The following COL23A1 variants were observed in gnomAD, a reference collection of about 807,000 sequenced individuals.
COL23A1 encodes collagen alpha-1(XXIII) chain.
A neutral mutation model predicts 99.3 loss-of-function variants in COL23A1; 97 were observed. That is an observed-to-expected ratio of 0.98 (90% CI 0.83 to 1.16). The LOEUF is 1.16. Ranked by LOEUF, COL23A1 falls within the 50% of genes most tolerant of loss-of-function variation. COL23A1 has a pLI of 0.00. For synonymous variants in COL23A1, 320 were observed against 308.2 expected (o/e 1.04, Z -0.40); for missense variants, 762 against 757.4 (o/e 1.01, Z -0.07).
intron 2 of COL23A1, among the ~76,000 whole-genome samples, chr5:178,532,130 A>G (rs1760683272): frequency 6.6e-6 from 1 of 152,198 alleles, no homozygotes; most frequent in South Asian, 2.1e-4. Context: ...TGTTCCAGCC[A>G]AGATCTGAGT....
chr5:178,343,952 T>C (rs573876446), intron 2 of COL23A1, among the ~76,000 whole-genome samples: 10 of 152,250 alleles, frequency 6.6e-5, no homozygotes, highest in South Asian at 2.1e-4. Context: ...TGAGCCACCG[T>C]ACCCGGCCTA....
intron 2 of COL23A1, among the ~76,000 whole-genome samples, chr5:178,374,463 G>T (rs1762963525): frequency 1.3e-5 from 2 of 152,204 alleles, no homozygotes; most frequent in Non-Finnish European, 2.9e-5. Flanking sequence ...CCTCCGTAAG[G>T]TTTTTGAGTG....
At chr5:178,353,273 A>C (rs956984864) in intron 2 of COL23A1, among the ~76,000 whole-genome samples, 3 of 152,200 alleles carry the variant, frequency 2.0e-5, no homozygotes, top group African/African-American at 4.8e-5. Context: ...AAAAGCTATA[A>C]ATTTCTTTTA....
chr5:178,265,576 G>T, intron 8 of COL23A1: 2 of 683,918 alleles, frequency 2.9e-6, no homozygotes, highest in Non-Finnish European at 3.6e-6. Flanking sequence ...GATGGCTGAG[G>T]TCTAACCCTG....
chr5:178,246,513 C>A (rs1764705260), intron 22 of COL23A1, 60 bp from the exon 23 acceptor site: 7 of 1,517,068 alleles, frequency 4.6e-6, no homozygotes, highest in Non-Finnish European at 5.4e-6. Flanking sequence ...GTAGGACAGG[C>A]AAGCTTGGAG....
At chr5:178,412,540 A>G (rs1765105565) in intron 2 of COL23A1, among the ~76,000 whole-genome samples, 2 of 152,290 alleles carry the variant, frequency 1.3e-5, no homozygotes, top group African/African-American at 4.8e-5. Flanking sequence ...ATCTTTCTTT[A>G]CTTCTCTACC....
At chr5:178,354,948 C>T (rs889433789) in intron 2 of COL23A1, among the ~76,000 whole-genome samples, 3 of 151,838 alleles carry the variant, frequency 2.0e-5, no homozygotes, top group African/African-American at 7.3e-5. Flanking sequence ...GTCCCAGCTA[C>T]TCGGGAGGCT....
chr5:178,378,404 A>T (rs1380577076), intron 2 of COL23A1, among the ~76,000 whole-genome samples: 1 of 152,082 alleles, frequency 6.6e-6, no homozygotes, highest in Non-Finnish European at 1.5e-5. Context: ...CGATACCGGT[A>T]TGGGACCTGT....
chr5:178,332,726 C>T (rs1347055819), intron 2 of COL23A1, among the ~76,000 whole-genome samples: 1 of 151,942 alleles, frequency 6.6e-6, no homozygotes, highest in Non-Finnish European at 1.5e-5. Flanking sequence ...AGAAAAAAAG[C>T]ATGCAAGCCC....
At chr5:178,240,694 A>G (rs1225043123) in intron 27 of COL23A1, among the ~76,000 whole-genome samples, 3 of 152,116 alleles carry the variant, frequency 2.0e-5, no homozygotes, top group Non-Finnish European at 4.4e-5. Context: ...ACTTCTCAAA[A>G]CTGTCCGAGG....
At chr5:178,538,631 A>G (rs546432793) in intron 2 of COL23A1, among the ~76,000 whole-genome samples, 2 of 152,258 alleles carry the variant, frequency 1.3e-5, no homozygotes. Flanking sequence ...ATGCCCATCA[A>G]TAAGGTAGCT....
At chr5:178,350,297 G>A (rs1761248537) in intron 2 of COL23A1, among the ~76,000 whole-genome samples, 1 of 152,150 alleles carries the variant, frequency 6.6e-6, no homozygotes, top group African/African-American at 2.4e-5. Context: ...AGTCCTTTGC[G>A]CTTGGATATC....
In COL23A1 at chr5:178,264,834, C is replaced by T. The variant is rs142882001; in HGVS notation, c.523-1510G>A. ...CTATTATTTGTATTTTTAGTACAGA[C>T]GGGGTTTCACCATGTTGGCCAGGCT... On this transcript the variant is annotated intron_variant, in intron 8 of 28. Transcript: ENST00000390654. 6.1e-3 allele frequency among the ~76,000 whole-genome samples: 924 copies of T among 152,188 alleles called. 5 individuals are homozygous for T. The highest frequency in any genetic ancestry group is 0.027 in the Middle Eastern group (8 of 294).
At chr5:178,314,436 C>A (rs1343745117) in intron 2 of COL23A1, among the ~76,000 whole-genome samples, 2 of 152,178 alleles carry the variant, frequency 1.3e-5, no homozygotes, top group Admixed American at 1.3e-4. Flanking sequence ...ACCCCGACCA[C>A]CCCAGTGACC....
At chr5:178,389,027 G>T (rs551160525) in intron 2 of COL23A1, among the ~76,000 whole-genome samples, 3 of 152,110 alleles carry the variant, frequency 2.0e-5, no homozygotes, top group South Asian at 2.1e-4. Context: ...CTAACTAAAG[G>T]CTAAAATTTA....
rs1201985061 is a variant in COL23A1 at position 178,273,447 on chromosome 5, A to G, written c.442-3084T>C. Among the ~76,000 whole-genome samples, 6 of 152,186 alleles carry G rather than the reference A, an allele frequency of 3.9e-5. No individual in the cohort carries two copies. The East Asian group carries it at 1.2e-3, about 29-fold the overall frequency. On this transcript the variant is annotated intron_variant, in intron 5 of 28. Transcript: ENST00000390654. Reference sequence around the variant, plus strand: ...GTGACAGAAAACCAATTTTTACACCAAACGCCCTGCCTGTATTTGTGATCA... The same window carrying G: ...GTGACAGAAAACCAATTTTTACACCGAACGCCCTGCCTGTATTTGTGATCA...
intron 2 of COL23A1, among the ~76,000 whole-genome samples, chr5:178,335,114 C>T (rs1016117487): frequency 3.3e-5 from 5 of 152,306 alleles, no homozygotes; most frequent in South Asian, 2.1e-4. Context: ...AACACAGTAA[C>T]GGGAAGTTGA....
intron 2 of COL23A1, among the ~76,000 whole-genome samples, chr5:178,509,649 C>T (rs563992779): frequency 6.6e-6 from 1 of 152,300 alleles, no homozygotes; most frequent in East Asian, 1.9e-4. Context: ...CACCTCCGCA[C>T]CACTGCCAAA....
chr5:178,254,078 T>G (rs1307991397), intron 16 of COL23A1, among the ~76,000 whole-genome samples: 1 of 152,002 alleles, frequency 6.6e-6, no homozygotes, highest in African/African-American at 2.4e-5. Flanking sequence ...GCAGGAGAAT[T>G]GCTTGAACCT....
Sources: gnomAD v4.1 joint callset for allele counts (sites outside exome capture counted in the v4.1 genomes callset) on GRCh38, gnomAD v4.1.1 for gene constraint, MANE v1.5 for transcripts, NCBI Gene and HGNC (gene_info 2026-07-23, HGNC 2026-07-21) for gene names.